Variants in DMD observed in about 807,000 individuals in gnomAD.
DMD encodes mutant dystrophin.
A neutral mutation model predicts 330.1 loss-of-function variants in DMD; 63 were observed. That is an observed-to-expected ratio of 0.19 (90% confidence interval 0.16 to 0.24). The LOEUF (loss-of-function observed/expected upper bound fraction) is 0.24, where lower values mean the gene tolerates loss of function less well. DMD is among the 10% of genes least tolerant of loss of function. DMD has a pLI of 1.00. For missense variants in DMD, 3,344 were observed against 2,684.1 expected (o/e 1.25, Z -5.43); for synonymous variants, 1,223 against 959.8 (o/e 1.27, Z -5.07).
intron 47 of DMD, among the ~76,000 whole-genome samples, chrX:31,920,484 C>G (rs2094675196): frequency 8.9e-6 from 1 of 111,919 alleles, no homozygotes; most frequent in South Asian, 3.7e-4. Context: ...TCCCTCTAGT[C>G]TCAGGGTTGG....
chrX:32,930,708 C>T (rs1003481658), intron 2 of DMD, among the ~76,000 whole-genome samples: 1 of 110,224 alleles, frequency 9.1e-6, no homozygotes, highest in African/African-American at 3.3e-5. Context: ...ACCCCTACTC[C>T]TCCATAACCC....
In DMD at chrX:32,634,976, A is replaced by T. The variant is rs764588295; in HGVS notation, c.1331+9156T>A. Among the ~76,000 whole-genome samples, 6 of 111,697 alleles carry T rather than the reference A, an allele frequency of 5.4e-5. No homozygotes were observed. In the South Asian group the frequency reaches 2.2e-3, roughly 42 times the overall value. ...TGAAGTTTATTTAGAACCACAGAGC[A>T]CTCTAATCCATGATGACAAGGCTTG... is the stretch of plus-strand genomic sequence containing the variant. On this transcript the variant is annotated intron_variant, in intron 11 of 78. Transcript: ENST00000357033.
intron 55 of DMD, among the ~76,000 whole-genome samples, chrX:31,518,757 TC>T (rs2072481826): frequency 9.0e-6 from 1 of 110,903 alleles, no homozygotes; most frequent in African/African-American, 3.3e-5. Flanking sequence ...GCCTTCTTTA[TC>T]CCCTATCGAG....
chrX:31,509,369 A>C (rs1263513456), intron 55 of DMD, among the ~76,000 whole-genome samples: 1 of 112,066 alleles, frequency 8.9e-6, no homozygotes, highest in Non-Finnish European at 1.9e-5. Flanking sequence ...ACCAGATCTA[A>C]GTTCCAGATA....
intron 4 of DMD, among the ~76,000 whole-genome samples, chrX:32,828,166 A>T (rs1320253968): frequency 8.9e-6 from 1 of 111,759 alleles, no homozygotes; most frequent in Non-Finnish European, 1.9e-5. Context: ...TGCTACTGTG[A>T]ATAGTGCTGC....
chrX:31,902,596 G>T (rs1005149388), intron 47 of DMD, among the ~76,000 whole-genome samples: 5 of 111,721 alleles, frequency 4.5e-5, no homozygotes, highest in African/African-American at 1.6e-4. Flanking sequence ...TGCTGATTAG[G>T]TGATGAAAAT....
intron 2 of DMD, among the ~76,000 whole-genome samples, chrX:32,982,114 A>G (rs193223832): frequency 8.9e-5 from 10 of 112,230 alleles, no homozygotes; most frequent in African/African-American, 3.2e-4. Context: ...CCTAGCAACA[A>G]CACACAAAGC....
intron 52 of DMD, among the ~76,000 whole-genome samples, chrX:31,722,349 G>A (rs993068689): frequency 3.6e-5 from 4 of 110,211 alleles, no homozygotes; most frequent in African/African-American, 1.3e-4. Context: ...TCGAACTCCT[G>A]ACCTCAGGTG....
intron 13 of DMD, among the ~76,000 whole-genome samples, chrX:32,583,070 T>G (rs1291223493): frequency 8.9e-6 from 1 of 112,361 alleles, no homozygotes; most frequent in Non-Finnish European, 1.9e-5. Context: ...GCTTAAATTC[T>G]CTCCTGTCTT....
chrX:32,482,928 A>G (rs976124011), intron 21 of DMD, among the ~76,000 whole-genome samples: 11 of 108,499 alleles, frequency 1.0e-4, no homozygotes, highest in Admixed American at 3.0e-4. Context: ...AAAAAAGTAA[A>G]GAGGAAATAA....
At chrX:31,676,538 G>T in intron 53 of DMD, among the ~76,000 whole-genome samples, 1 of 110,704 alleles carries the variant, frequency 9.0e-6, no homozygotes, top group East Asian at 2.8e-4. Context: ...AATCTTATTT[G>T]TCAATTAATA....
intron 44 of DMD, among the ~76,000 whole-genome samples, chrX:32,173,066 GGTGTGTGTGTGTGTGTGTGTGT>G (rs3040089): frequency 6.7e-5 from 6 of 89,628 alleles, no homozygotes; most frequent in Non-Finnish European, 1.3e-4. Flanking sequence ...ACCTGATTTT[GGTGTGTGTGTGTGTGTGTGTGT>G]GTGTGTGTGT....
At chrX:32,940,310 T>G (rs909554829) in intron 2 of DMD, among the ~76,000 whole-genome samples, 1 of 112,249 alleles carries the variant, frequency 8.9e-6, no homozygotes, top group Non-Finnish European at 1.9e-5. Context: ...TGTGAAGAGA[T>G]GGATATGTTA....
At chrX:33,116,033 A>G (rs2095381767) in intron 1 of DMD, among the ~76,000 whole-genome samples, 2 of 108,091 alleles carry the variant, frequency 1.9e-5, no homozygotes, top group Admixed American at 2.0e-4. Flanking sequence ...TCTCTACTAA[A>G]AATACAAAAA....
At chrX:32,997,935 T>A (rs1270278159) in intron 2 of DMD, among the ~76,000 whole-genome samples, 1 of 112,385 alleles carries the variant, frequency 8.9e-6, no homozygotes, top group Non-Finnish European at 1.9e-5. Context: ...AAAAAACGTA[T>A]TGTTCTTTGT....
intron 1 of DMD, among the ~76,000 whole-genome samples, chrX:33,333,412 T>C (rs1250180279): frequency 9.0e-6 from 1 of 111,256 alleles, no homozygotes; most frequent in East Asian, 2.8e-4. Context: ...CATTGCTCCA[T>C]ATTCCTAAGC....
In DMD at chrX:32,335,807, G is replaced by A. The variant is rs1479499425; in HGVS notation, c.5922+6293C>T. 2.0e-4 allele frequency among the ~76,000 whole-genome samples: 21 copies of A among 103,942 alleles called. No individual in the cohort carries two copies. In the Admixed American group the frequency reaches 2.2e-3, roughly 11 times the overall value. The allele number at this position is 103,942 out of a possible 115,157, so 90.3% of individuals were successfully genotyped here. The stretch of plus-strand genomic sequence containing the variant: ...GTATAACATGTTATATATAACACGT[G>A]TATATATGTATAACATGTTATATAT... On this transcript the variant is annotated intron_variant, in intron 41 of 78. Transcript: ENST00000357033.
intron 48 of DMD, among the ~76,000 whole-genome samples, chrX:31,865,666 G>GCTTCCA (rs11275348): frequency 2.7e-4 from 29 of 108,963 alleles, no homozygotes; most frequent in African/African-American, 6.4e-4. Flanking sequence ...ACCCACGAAA[G>GCTTCCA]CGTGGAAGCA....
rs765181352 is a variant in DMD, at chrX:31,369,250, A to G, written c.9085-20616T>C. 8.9e-5 allele frequency among the ~76,000 whole-genome samples: 10 copies of G among 112,682 alleles called. No individual in the cohort carries two copies. In the South Asian group the frequency reaches 3.7e-3, roughly 41 times the overall value. On this transcript the variant is annotated intron_variant, in intron 60 of 78. Coordinates refer to ENST00000357033, the MANE Select transcript of DMD (RefSeq NM_004006.3). ...TTCTGCCTTAGGGCAGGAGAAAACA[A>G]TAAGAAAGACTTTAAAATAAGGAGA...
Sources: allele counts gnomAD v4.1 joint callset (sites outside exome capture counted in the v4.1 genomes callset), GRCh38; gene constraint gnomAD v4.1.1; transcripts MANE v1.5; gene names NCBI Gene and HGNC (gene_info 2026-07-23, HGNC 2026-07-21).